Variants in URGCP observed in about 807,000 individuals in gnomAD.
The protein encoded by URGCP is upregulator of cell proliferation, also known as up-regulator of cell proliferation.
A neutral mutation model predicts 24.6 loss-of-function variants in URGCP; 13 were observed. The observed-to-expected ratio is 0.53, with a 90% confidence interval of 0.34 to 0.84. The LOEUF is 0.84. Ranked by LOEUF, URGCP falls within the 40% of genes least tolerant of loss-of-function variation. The pLI is 0.01. For synonymous variants in URGCP, 444 were observed against 487.2 expected, an observed-to-expected ratio of 0.91 and a Z score of 1.17; for missense variants, 899 against 1,194.3, an observed-to-expected ratio of 0.75 and a Z score of 3.64.
chr7:43,914,687 C>T (rs1324585456), intron 1 of URGCP, among the ~76,000 whole-genome samples: 3 of 152,170 alleles, frequency 2.0e-5, no homozygotes, highest in Admixed American at 2.0e-4. Context: ...TGGTAATTTC[C>T]ATTGTTCTAT....
In URGCP at chr7:43,881,656, T is replaced by C; in HGVS notation, c.202+3A>G. The C allele has an allele frequency of 8.1e-6, 13 of 1,614,080 alleles. No homozygotes were observed. The highest frequency in any genetic ancestry group is 1.1e-5 in the Non-Finnish European group (13 of 1,180,022). Reference sequence around the variant, plus strand: ...AGAGAGAAAAGGCAGAGAAAATGCTTACCTGTTGGAAAATCATTGTCCTGA... The same window carrying C: ...AGAGAGAAAAGGCAGAGAAAATGCTCACCTGTTGGAAAATCATTGTCCTGA... On this transcript the variant is annotated splice_donor_region_variant and intron_variant, in intron 5 of 5. Coordinates refer to ENST00000453200, the MANE Select transcript of URGCP (RefSeq NM_001077663.3).
upstream of URGCP, among the ~76,000 whole-genome samples, chr7:43,908,579 A>T (rs1489345024): frequency 6.6e-6 from 1 of 152,184 alleles, no homozygotes; most frequent in Non-Finnish European, 1.5e-5. Flanking sequence ...CAAGGAGAAC[A>T]ACTGTTTTTC....
intron 1 of URGCP, among the ~76,000 whole-genome samples, chr7:43,914,258 T>C (rs755110601): frequency 6.6e-6 from 1 of 152,072 alleles, no homozygotes; most frequent in Non-Finnish European, 1.5e-5. Context: ...CCCAGCACTT[T>C]GGGAGGCTGA....
upstream of URGCP, chr7:43,926,643 C>T (rs2095931440): frequency 1.4e-6 from 2 of 1,389,664 alleles, no homozygotes; most frequent in Non-Finnish European, 1.9e-6. Context: ...TGAAAGGTGA[C>T]GGAGGCTCCG....
intron 1 of URGCP, among the ~76,000 whole-genome samples, chr7:43,920,353 A>C (rs1231772350): frequency 1.3e-5 from 2 of 152,186 alleles, no homozygotes; most frequent in African/African-American, 4.8e-5. Flanking sequence ...TGAAGTCATG[A>C]GTTCAAGACT....
At chr7:43,906,940 A>C (rs2095904565), upstream of URGCP, 1 of 166,520 alleles carries the variant, frequency 6.0e-6, no homozygotes. Flanking sequence ...TTTCTGTAAG[A>C]AAAGGCTTTT....
At chr7:43,906,430 G>A in intron 1 of URGCP, 132 bp downstream of exon 1, 1 of 988,858 alleles carries the variant, frequency 1.0e-6, no homozygotes, top group Non-Finnish European at 1.2e-6. Flanking sequence ...GGTGGGCCTG[G>A]CGGGCGGGGG....
chr7:43,898,842 T>TA lies in URGCP; in HGVS notation c.14+7719dup, dbSNP rs35455149. On this transcript the variant is annotated intron_variant, in intron 1 of 5. Transcript: ENST00000453200. ...TCTGGATTTTCAGAGAGGAAAGAGTTAAAAAAAAAAAAGGCTGGGTGTGGT... is the reference window on the plus strand; with the variant it reads ...TCTGGATTTTCAGAGAGGAAAGAGTTAAAAAAAAAAAAAGGCTGGGTGTGGT... Among the ~76,000 whole-genome samples, 805 of 139,320 alleles carry TA rather than the reference T, an allele frequency of 5.8e-3. 1 individual carries two copies. The highest frequency in any genetic ancestry group is 0.012 in the African/African-American group (451 of 38,386). 91.4% of individuals were successfully genotyped at this position (139,320 alleles called of 152,430 possible).
chr7:43,912,367 C>T (rs983548227), intron 1 of URGCP, among the ~76,000 whole-genome samples: 9 of 152,000 alleles, frequency 5.9e-5, no homozygotes, highest in Admixed American at 1.3e-4. Flanking sequence ...GGCGTGGTGG[C>T]GCACGCCTGT....
At chr7:43,905,939 T>C (rs1436139166) in intron 1 of URGCP, 2 of 152,026 alleles carry the variant, frequency 1.3e-5, no homozygotes, top group Non-Finnish European at 2.9e-5. Context: ...TCAAAAAAGT[T>C]GAAAAGAGGT....
At chr7:43,917,357 T>G (rs1173041342) in intron 1 of URGCP, among the ~76,000 whole-genome samples, 1 of 152,152 alleles carries the variant, frequency 6.6e-6, no homozygotes, top group Non-Finnish European at 1.5e-5. Flanking sequence ...GAAAGAGGGG[T>G]ACCTTGGGAT....
At chr7:43,909,938 G>A (rs1425504995), upstream of URGCP, among the ~76,000 whole-genome samples, 1 of 151,992 alleles carries the variant, frequency 6.6e-6, no homozygotes, top group Non-Finnish European at 1.5e-5. Context: ...AACTACTCGG[G>A]AAGCTGAGGC....
intron 3 of URGCP, among the ~76,000 whole-genome samples, chr7:43,884,227 G>A (rs937547446): frequency 1.3e-5 from 2 of 152,220 alleles, no homozygotes; most frequent in African/African-American, 4.8e-5. Context: ...AGGGTTCGGA[G>A]AGAGCCTGAT....
At chr7:43,911,485 C>G (rs990811964), upstream of URGCP, among the ~76,000 whole-genome samples, 6 of 152,104 alleles carry the variant, frequency 3.9e-5, no homozygotes, top group African/African-American at 1.4e-4. Context: ...CACCTGAGGT[C>G]AGGAGTTCAA....
At chr7:43,894,393 G>T (rs1436108409) in intron 1 of URGCP, among the ~76,000 whole-genome samples, 1 of 152,052 alleles carries the variant, frequency 6.6e-6, no homozygotes, top group Non-Finnish European at 1.5e-5. Flanking sequence ...CTGTTGCCCA[G>T]GCTGATGTGC....
intron 1 of URGCP, among the ~76,000 whole-genome samples, chr7:43,922,700 C>G (rs1034149626): frequency 1.3e-5 from 2 of 151,882 alleles, no homozygotes; most frequent in African/African-American, 2.4e-5. Flanking sequence ...CCACCATGCT[C>G]TACTAATTCT....
At chr7:43,919,906 C>T in intron 1 of URGCP, 1 of 1,308,798 alleles carries the variant, frequency 7.6e-7, no homozygotes, top group Non-Finnish European at 1.1e-6. Flanking sequence ...AAGTGGGAGG[C>T]CTTCCTGGAG....
chr7:43,909,909 G>T (rs1206173957), upstream of URGCP, among the ~76,000 whole-genome samples: 2 of 151,644 alleles, frequency 1.3e-5, no homozygotes, highest in African/African-American at 4.8e-5. Flanking sequence ...CGGGCGTGGT[G>T]GCACATGCCT....
upstream of URGCP, chr7:43,907,126 T>C (rs976425992): frequency 5.5e-5 from 6 of 109,506 alleles, no homozygotes; most frequent in African/African-American, 2.4e-4. Flanking sequence ...TATTATTCTT[T>C]ATAGTGTGTT....
Sources: gnomAD v4.1 joint callset for allele counts (sites outside exome capture counted in the v4.1 genomes callset) on GRCh38, gnomAD v4.1.1 for gene constraint, MANE v1.5 for transcripts, NCBI Gene and HGNC (gene_info 2026-07-23, HGNC 2026-07-21) for gene names.